MDFIC2: variants seen among roughly 807,000 people sequenced by gnomAD.
The protein encoded by MDFIC2 is MyoD family inhibitor domain containing 2, also known as myoD family inhibitor domain-containing protein 2.
In MDFIC2 at chr3:70,195,798, A is replaced by G. The variant is rs1261161872; in HGVS notation, c.*1128T>C. Among the ~76,000 whole-genome samples the G allele has an allele frequency of 6.6e-6, 1 of 152,228 alleles. No homozygotes were observed. The highest frequency in any genetic ancestry group is 1.5e-5 in the Non-Finnish European group (1 of 68,034). On this transcript the variant is annotated 3_prime_UTR_variant, in exon 4 of 4. Transcript: ENST00000567252. ...TATAGAATTGTTTCTACAGAAAGTAAAGAACATTCCAAAGTAACTTTAACC... is the reference window on the plus strand; with the variant it reads ...TATAGAATTGTTTCTACAGAAAGTAGAGAACATTCCAAAGTAACTTTAACC...
chr3:70,303,033 T>G (rs78702174), intron 2 of MDFIC2, among the ~76,000 whole-genome samples: 2 of 152,160 alleles, frequency 1.3e-5, no homozygotes, highest in African/African-American at 2.4e-5. Flanking sequence ...AGAATCAAAA[T>G]GATTTTGACA....
At chr3:70,309,359 T>C (rs1418886339) in intron 2 of MDFIC2, among the ~76,000 whole-genome samples, 1 of 152,188 alleles carries the variant, frequency 6.6e-6, no homozygotes, top group Non-Finnish European at 1.5e-5. Flanking sequence ...AAAAGCATTG[T>C]TGCTATTACC....
chr3:70,255,520 C>A (rs906580090), intron 2 of MDFIC2, among the ~76,000 whole-genome samples: 1 of 152,160 alleles, frequency 6.6e-6, no homozygotes, highest in African/African-American at 2.4e-5. Flanking sequence ...CACCTGGGCT[C>A]AAGTGATCCT....
At chr3:70,214,690 T>G (rs1213590492) in intron 2 of MDFIC2, among the ~76,000 whole-genome samples, 8 of 151,058 alleles carry the variant, frequency 5.3e-5, no homozygotes, top group African/African-American at 1.9e-4. Flanking sequence ...TAGACAGACA[T>G]AGGCTAAGTG....
chr3:70,254,054 AAC>A (rs1259485751), intron 2 of MDFIC2, among the ~76,000 whole-genome samples: 2 of 152,212 alleles, frequency 1.3e-5, no homozygotes, highest in South Asian at 2.1e-4. Context: ...TGATTCAGAT[AAC>A]AGTTATTTAG....
intron 3 of MDFIC2, among the ~76,000 whole-genome samples, chr3:70,203,947 C>T (rs978764944): frequency 1.1e-4 from 16 of 152,110 alleles, no homozygotes; most frequent in African/African-American, 3.9e-4. Context: ...AGGAAAGGGA[C>T]CACACACGAT....
intron 2 of MDFIC2, among the ~76,000 whole-genome samples, chr3:70,265,107 A>G (rs975675016): frequency 2.0e-5 from 3 of 152,172 alleles, no homozygotes; most frequent in Admixed American, 6.5e-5. Context: ...ATTACCTCTC[A>G]CTGGGTCCCT....
intron 2 of MDFIC2, among the ~76,000 whole-genome samples, chr3:70,211,445 C>T (rs1271588550): frequency 8.5e-6 from 1 of 117,968 alleles, no homozygotes; most frequent in African/African-American, 3.2e-5. Context: ...CCTTCCCTTC[C>T]TTTCCCTTCC....
At chr3:70,223,452 GA>G in intron 2 of MDFIC2, among the ~76,000 whole-genome samples, 1 of 152,134 alleles carries the variant, frequency 6.6e-6, no homozygotes, top group Non-Finnish European at 1.5e-5. Flanking sequence ...AAATGAGATA[GA>G]ATTAAAAATG....
intron 2 of MDFIC2, among the ~76,000 whole-genome samples, chr3:70,214,702 T>C (rs1328995093): frequency 6.6e-6 from 1 of 151,796 alleles, no homozygotes; most frequent in Non-Finnish European, 1.5e-5. Context: ...GGCTAAGTGA[T>C]GTACTTTTAT....
chr3:70,267,583 T>TTG lies in MDFIC2; in HGVS notation c.88+44302_88+44303insCA, dbSNP rs1193012210. On this transcript the variant is annotated intron_variant, in intron 2 of 3. Transcript: ENST00000567252. The stretch of plus-strand genomic sequence containing the variant: ...ATGCCCGGCTAATTTTTTGTATTTT[T>TTG]TTTTTTTTTTTTTTAGTAAAGACGG... Among the ~76,000 whole-genome samples, 54 of 146,788 alleles carry TTG rather than the reference T, an allele frequency of 3.7e-4. 1 individual carries two copies. The highest frequency in any genetic ancestry group is 3.4e-3 in the Middle Eastern group (1 of 290).
intron 2 of MDFIC2, among the ~76,000 whole-genome samples, chr3:70,230,778 T>C (rs1034308034): frequency 2.0e-5 from 3 of 152,214 alleles, no homozygotes; most frequent in African/African-American, 7.2e-5. Context: ...AGGCAATGCT[T>C]CATGGTGAGA....
intron 2 of MDFIC2, among the ~76,000 whole-genome samples, chr3:70,309,252 C>G (rs1702434795): frequency 6.6e-6 from 1 of 152,052 alleles, no homozygotes; most frequent in African/African-American, 2.4e-5. Flanking sequence ...TAAAGTCTTT[C>G]CAAGCCTACA....
At chr3:70,271,105 G>T (rs1178135795) in intron 2 of MDFIC2, among the ~76,000 whole-genome samples, 2 of 152,158 alleles carry the variant, frequency 1.3e-5, no homozygotes, top group Non-Finnish European at 2.9e-5. Context: ...AAGCTGGGAA[G>T]TTGTATATAC....
intron 2 of MDFIC2, among the ~76,000 whole-genome samples, chr3:70,263,144 C>T (rs890481375): frequency 6.6e-6 from 1 of 151,922 alleles, no homozygotes; most frequent in Non-Finnish European, 1.5e-5. Flanking sequence ...ACTATAAACT[C>T]TATATTTGTC....
chr3:70,290,035 C>T (rs988738754), intron 2 of MDFIC2, among the ~76,000 whole-genome samples: 5 of 151,710 alleles, frequency 3.3e-5, no homozygotes, highest in South Asian at 2.1e-4. Context: ...GTAATTTGAT[C>T]GTCTGAAGCC....
rs186387766 is a variant in MDFIC2, at chr3:70,285,854, T to C, written c.88+26032A>G. Reference sequence around the variant, plus strand: ...TGTGTTTTTTGGCTGCATAAATGTCTTCTTTTGAGAAGTGTCTGTTCATGT... The same window carrying C: ...TGTGTTTTTTGGCTGCATAAATGTCCTCTTTTGAGAAGTGTCTGTTCATGT... On this transcript the variant is annotated intron_variant, in intron 2 of 3. Transcript: ENST00000567252. Among the ~76,000 whole-genome samples the C allele has an allele frequency of 1.8e-3, 276 of 152,270 alleles. 1 individual carries two copies. Among genetic ancestry groups the C allele is most frequent in the African/African-American group, 6.4e-3 (265 of 41,550 alleles).
chr3:70,268,056 T>C (rs1418785920), intron 2 of MDFIC2, among the ~76,000 whole-genome samples: 1 of 150,760 alleles, frequency 6.6e-6, no homozygotes, highest in Non-Finnish European at 1.5e-5. Flanking sequence ...TCCTCCTTCT[T>C]CTCCAATATT....
intron 2 of MDFIC2, among the ~76,000 whole-genome samples, chr3:70,231,611 G>A (rs1183442141): frequency 1.3e-5 from 2 of 152,068 alleles, no homozygotes; most frequent in African/African-American, 4.8e-5. Flanking sequence ...TCCTTCCCTG[G>A]TTAGTTACCA....
Sources: allele counts gnomAD v4.1 joint callset (sites outside exome capture counted in the v4.1 genomes callset), GRCh38; gene constraint gnomAD v4.1.1; transcripts MANE v1.5; gene names NCBI Gene and HGNC (gene_info 2026-07-23, HGNC 2026-07-21).